SUFU: variants seen among roughly 807,000 people sequenced by gnomAD.
SUFU encodes the protein suppressor of fused homolog.
In SUFU, 7 loss-of-function variants were observed where a neutral mutation model predicts 58.9. The ratio of observed to expected loss-of-function variants is 0.12; its 90% CI spans 0.07 to 0.22. SUFU has a LOEUF of 0.22. SUFU is among the 10% of genes least tolerant of loss of function. SUFU has a pLI of 1.00. For synonymous variants in SUFU, 232 were observed against 254.8 expected, an observed-to-expected ratio of 0.91 and a Z score of 0.85; for missense variants, 451 against 641.3, an observed-to-expected ratio of 0.70 and a Z score of 3.20.
chr10:102,544,477 GATCACTTGA>G (rs1324834487), intron 2 of SUFU, among the ~76,000 whole-genome samples: 3 of 152,310 alleles, frequency 2.0e-5, no homozygotes, highest in African/African-American at 7.2e-5. Flanking sequence ...GAGACGGGCA[GATCACTTGA>G]GATCAGGAGT....
chr10:102,594,943 C>T (rs1198594296), intron 6 of SUFU, among the ~76,000 whole-genome samples: 1 of 152,190 alleles, frequency 6.6e-6, no homozygotes, highest in Non-Finnish European at 1.5e-5. Context: ...TGGTCTCGAA[C>T]TCTTGACCTC....
chr10:102,627,327 G>T, intron 11 of SUFU, 84 bp downstream of exon 11: 1 of 1,222,304 alleles, frequency 8.2e-7, no homozygotes, highest in Non-Finnish European at 1.2e-6. Context: ...GTGCATGCAT[G>T]TGTGCGTGTG....
intron 2 of SUFU, among the ~76,000 whole-genome samples, chr10:102,539,188 C>T (rs559176631): frequency 6.6e-6 from 1 of 152,348 alleles, no homozygotes; most frequent in African/African-American, 2.4e-5. Context: ...ATTGTCACAT[C>T]TCTTAGATGC....
intron 2 of SUFU, among the ~76,000 whole-genome samples, chr10:102,532,548 G>A (rs1461566433): frequency 6.6e-6 from 1 of 152,208 alleles, no homozygotes; most frequent in Non-Finnish European, 1.5e-5. Context: ...CTGCTTCCCA[G>A]CTCCCTCAGG....
chr10:102,566,766 A>G (rs2063094511), intron 3 of SUFU, among the ~76,000 whole-genome samples: 1 of 43,284 alleles, frequency 2.3e-5, no homozygotes, highest in Non-Finnish European at 4.7e-5. Flanking sequence ...CTCTGTCTCA[A>G]AAAAAAAAAA....
intron 8 of SUFU, among the ~76,000 whole-genome samples, chr10:102,600,655 G>A (rs1337655291): frequency 6.6e-6 from 1 of 152,114 alleles, no homozygotes; most frequent in African/African-American, 2.4e-5. Context: ...ACATAGCATC[G>A]ACCTTGAGGG....
At chr10:102,609,766 C>T (rs868298439) in intron 8 of SUFU, among the ~76,000 whole-genome samples, 9 of 152,060 alleles carry the variant, frequency 5.9e-5, no homozygotes, top group Non-Finnish European at 8.8e-5. Context: ...AATTGGCAGG[C>T]GAGAGTCATG....
intron 9 of SUFU, among the ~76,000 whole-genome samples, chr10:102,616,540 C>A (rs2063688707): frequency 6.6e-6 from 1 of 152,234 alleles, no homozygotes; most frequent in Non-Finnish European, 1.5e-5. Flanking sequence ...TGGCCCAGGC[C>A]CAGGGCCTTT....
At chr10:102,531,356 A>G (rs1273936057) in intron 2 of SUFU, among the ~76,000 whole-genome samples, 1 of 152,206 alleles carries the variant, frequency 6.6e-6, no homozygotes, top group East Asian at 1.9e-4. Flanking sequence ...AGGCACCCCC[A>G]GAGTCAACAT....
chr10:102,599,527 C>T lies in SUFU; in HGVS notation c.1005C>T (p.Leu335=), dbSNP rs575246362. The change falls in exon 8 of 12, where the codon CTC becomes CTT. Residue 335 remains leucine, a synonymous_variant. Transcript: ENST00000369902. ...PPINPQRQNG[L]AHDRAPSRKD... The stretch of plus-strand genomic sequence containing the variant: ...TCAACCCTCAGCGGCAGAATGGCCT[C>T]GCCCACGACCGGGCCCCGTAAGTTC... 2.2e-5 allele frequency: 36 copies of T among 1,614,008 alleles called. No homozygotes were observed. Among genetic ancestry groups the T allele is most frequent in the Non-Finnish European group, 2.9e-5 (34 of 1,180,012 alleles).
chr10:102,520,304 G>A (rs2062536365), intron 2 of SUFU, among the ~76,000 whole-genome samples: 2 of 140,622 alleles, frequency 1.4e-5, no homozygotes, highest in Non-Finnish European at 3.0e-5. Context: ...TGCAGCCTCC[G>A]CCTCCTGGGT....
chr10:102,610,104 C>T (rs1245367843), intron 8 of SUFU, among the ~76,000 whole-genome samples: 2 of 152,052 alleles, frequency 1.3e-5, no homozygotes, highest in African/African-American at 2.4e-5. Context: ...TGGCTGGGCG[C>T]GGTGACTCAC....
chr10:102,597,064 C>A, intron 6 of SUFU, 76 bp from the exon 7 acceptor site: 1 of 1,532,998 alleles, frequency 6.5e-7, no homozygotes, highest in Non-Finnish European at 9.0e-7. Context: ...ACTGTAAGAG[C>A]AGTGGCTGAA....
intron 8 of SUFU, 152 bp from the exon 9 acceptor site, chr10:102,615,116 G>T (rs939637885): frequency 1.7e-6 from 2 of 1,179,512 alleles, no homozygotes; most frequent in South Asian, 1.3e-5. Flanking sequence ...GCTGGCGCTC[G>T]CCAGGCATAT....
At chr10:102,504,770 CAG>C (rs2062303212) in intron 1 of SUFU, among the ~76,000 whole-genome samples, 1 of 148,032 alleles carries the variant, frequency 6.8e-6, no homozygotes, top group South Asian at 2.2e-4. Flanking sequence ...CGAAGAAGCT[CAG>C]AGGGCACGAG....
At chr10:102,577,379 C>T (rs1373962111) in intron 3 of SUFU, among the ~76,000 whole-genome samples, 1 of 151,776 alleles carries the variant, frequency 6.6e-6, no homozygotes, top group Non-Finnish European at 1.5e-5. Flanking sequence ...AGTCTCACGT[C>T]TTACTCTGTC....
chr10:102,511,815 A>G (rs748290845), intron 2 of SUFU, among the ~76,000 whole-genome samples: 8 of 152,150 alleles, frequency 5.3e-5, no homozygotes, highest in Admixed American at 3.3e-4. Context: ...GGCTCAAGCA[A>G]TTATCCCACC....
At position 102,619,111 on chromosome 10, in the gene SUFU, T is replaced by C. The variant is rs1208878439; in HGVS notation, c.1296+1683T>C. 6.2e-7 allele frequency: 1 copy of C among 1,612,682 alleles called. No homozygotes were observed. The highest frequency in any genetic ancestry group is 8.5e-7 in the Non-Finnish European group (1 of 1,179,856). ...CTCTGCCCTCCCGTCCTGGAACGTC[T>C]TTCTGCCCTGAGGAGAGGGTAGTCA... On this transcript the variant is annotated intron_variant, in intron 10 of 11. Coordinates refer to ENST00000369902, the MANE Select transcript of SUFU (RefSeq NM_016169.4). The surrounding 1 kb of genome is among the most constrained non-coding windows in gnomAD (Gnocchi z 4.2).
chr10:102,586,395 T>C (rs1457197858), intron 3 of SUFU, among the ~76,000 whole-genome samples: 1 of 151,892 alleles, frequency 6.6e-6, no homozygotes, highest in African/African-American at 2.4e-5. Flanking sequence ...TGATTAAGCC[T>C]GGGCACGGTG....
Sources: gnomAD v4.1 joint callset for allele counts (sites outside exome capture counted in the v4.1 genomes callset) on GRCh38, gnomAD v4.1.1 for gene constraint, Gnocchi (gnomAD v3.1) non-coding constraint, MANE v1.5 for transcripts, NCBI Gene and HGNC (gene_info 2026-07-23, HGNC 2026-07-21) for gene names.